AGBL1: variants seen among roughly 807,000 people sequenced by gnomAD.
AGBL1 encodes the protein AGBL carboxypeptidase 1.
In AGBL1, 130 loss-of-function variants were observed where a neutral mutation model predicts 118.9. The observed-to-expected ratio is 1.09, with a 90% CI of 0.95 to 1.26. The LOEUF is 1.26. Ranked by LOEUF, AGBL1 falls within the 50% of genes most tolerant of loss-of-function variation. The pLI, the probability that AGBL1 is intolerant of heterozygous loss-of-function variation, is 0.00. For missense variants in AGBL1, 1,584 were observed against 1,298.1 expected (o/e 1.22, Z -3.38); for synonymous variants, 555 against 478.9 (o/e 1.16, Z -2.08).
At chr15:86,280,797 T>TGGCTCAA in intron 16 of AGBL1, among the ~76,000 whole-genome samples, 1 of 152,324 alleles carries the variant, frequency 6.6e-6, no homozygotes, top group South Asian at 2.1e-4. Context: ...TTGAACCACT[T>TGGCTCAA]GGCTCACTGC....
intron 21 of AGBL1, among the ~76,000 whole-genome samples, chr15:86,632,630 G>GTTTT (rs61180689): frequency 8.4e-5 from 12 of 143,552 alleles, no homozygotes; most frequent in Non-Finnish European, 9.2e-5. Context: ...ATCTCATCAT[G>GTTTT]TTTTTTTTTT....
chr15:86,901,933 A>T (rs186046002), intron 22 of AGBL1, among the ~76,000 whole-genome samples: 64 of 152,254 alleles, frequency 4.2e-4, no homozygotes, highest in African/African-American at 1.5e-3. Flanking sequence ...ATTAATATCA[A>T]TATTAATAAT....
chr15:86,110,623 C>T (rs1390314199), intron 1 of AGBL1, among the ~76,000 whole-genome samples: 1 of 152,070 alleles, frequency 6.6e-6, no homozygotes, highest in Non-Finnish European at 1.5e-5. Context: ...CAAGGGCCAA[C>T]TCTAGTAGAA....
intron 24 of AGBL1, among the ~76,000 whole-genome samples, chr15:87,011,827 A>C (rs938901167): frequency 2.0e-5 from 3 of 152,186 alleles, no homozygotes; most frequent in African/African-American, 7.2e-5. Context: ...CACCCATTGG[A>C]GATATTATAT....
intron 21 of AGBL1, among the ~76,000 whole-genome samples, chr15:86,608,412 G>A (rs1279677489): frequency 6.6e-6 from 1 of 152,202 alleles, no homozygotes; most frequent in Non-Finnish European, 1.5e-5. Context: ...GCAAGAGCAA[G>A]CAAGAATATT....
chr15:86,137,586 G>A (rs992917529), intron 1 of AGBL1, among the ~76,000 whole-genome samples: 4 of 151,950 alleles, frequency 2.6e-5, no homozygotes, highest in African/African-American at 9.7e-5. Flanking sequence ...AATATTTTTT[G>A]TGTTTTGTTT....
At chr15:86,427,832 A>T (rs1290005413) in intron 18 of AGBL1, among the ~76,000 whole-genome samples, 2 of 152,310 alleles carry the variant, frequency 1.3e-5, no homozygotes, top group East Asian at 3.9e-4. Flanking sequence ...TTCTCCAGGA[A>T]TTAAAGCTCA....
chr15:86,493,138 G>C (rs2082805516), intron 18 of AGBL1, among the ~76,000 whole-genome samples: 1 of 152,114 alleles, frequency 6.6e-6, no homozygotes, highest in African/African-American at 2.4e-5. Context: ...AGGTTGCAGT[G>C]AGCTGAGATC....
intron 21 of AGBL1, among the ~76,000 whole-genome samples, chr15:86,582,802 A>G (rs2084188821): frequency 6.8e-6 from 1 of 148,036 alleles, no homozygotes; most frequent in Non-Finnish European, 1.5e-5. Context: ...ATAGGTGGGA[A>G]TTGAACAATG....
chr15:86,234,395 A>T (rs1347748586), intron 6 of AGBL1, among the ~76,000 whole-genome samples: 1 of 152,032 alleles, frequency 6.6e-6, no homozygotes, highest in African/African-American at 2.4e-5. Flanking sequence ...TACTAAAAAT[A>T]CAAAAATTAG....
At position 86,279,596 on chromosome 15, in the gene AGBL1, C is replaced by A. The variant is rs1378586133; in HGVS notation, c.2076-43C>A. 12 of 1,593,454 alleles carry A rather than the reference C, an allele frequency of 7.5e-6. No individual in the cohort carries two copies. The Admixed American group carries it at 2.0e-4, about 27-fold the overall frequency. On this transcript the variant is annotated intron_variant, in intron 15 of 22. Coordinates refer to ENST00000614907, the MANE Select transcript of AGBL1 (RefSeq NM_001386094.1). ...CCTAAATGACCCTGCACCCCCCTCC[C>A]ACCTCTCCCTTATTCTCTTCTCTTC...
intron 19 of AGBL1, among the ~76,000 whole-genome samples, chr15:86,525,197 A>T (rs1231960350): frequency 6.6e-6 from 1 of 152,168 alleles, no homozygotes; most frequent in Non-Finnish European, 1.5e-5. Context: ...CAAGGAAGGT[A>T]AAAGATCACT....
intron 9 of AGBL1, 27 bp downstream of exon 9, chr15:86,258,058 T>C (rs1371142395): frequency 1.2e-6 from 2 of 1,607,258 alleles, no homozygotes; most frequent in South Asian, 2.2e-5. Context: ...ATGCTTCTAA[T>C]GATGTCCATA....
At chr15:86,369,912 C>T (rs1187867893) in intron 17 of AGBL1, among the ~76,000 whole-genome samples, 1 of 152,142 alleles carries the variant, frequency 6.6e-6, no homozygotes, top group Non-Finnish European at 1.5e-5. Context: ...ACAAATATTT[C>T]TAATTGGCAT....
intron 17 of AGBL1, among the ~76,000 whole-genome samples, chr15:86,326,151 A>C (rs776018227): frequency 3.2e-4 from 49 of 152,176 alleles, no homozygotes; most frequent in Non-Finnish European, 5.4e-4. Flanking sequence ...TTTCACTGTT[A>C]GGAAGCCAGC....
At chr15:86,381,107 C>G (rs2081108516) in intron 17 of AGBL1, among the ~76,000 whole-genome samples, 1 of 152,162 alleles carries the variant, frequency 6.6e-6, no homozygotes. Flanking sequence ...TAATAAAATG[C>G]AATCACAACC....
At chr15:86,413,775 C>G (rs2081653407) in intron 18 of AGBL1, among the ~76,000 whole-genome samples, 1 of 151,972 alleles carries the variant, frequency 6.6e-6, no homozygotes, top group Non-Finnish European at 1.5e-5. Flanking sequence ...GGATATTAGT[C>G]CCTTTTCGGA....
At chr15:87,030,839 A>G (rs1203506466), downstream of AGBL1, among the ~76,000 whole-genome samples, 1 of 151,808 alleles carries the variant, frequency 6.6e-6, no homozygotes. Flanking sequence ...TTTGAACTCT[A>G]TTACTCTACT....
At chr15:86,590,185 A>C (rs938676865) in intron 21 of AGBL1, among the ~76,000 whole-genome samples, 50 of 152,188 alleles carry the variant, frequency 3.3e-4, no homozygotes, top group African/African-American at 1.1e-3. Context: ...TTGGTAAAAC[A>C]CATTATGGGA....
Sources: allele counts gnomAD v4.1 joint callset (sites outside exome capture counted in the v4.1 genomes callset), GRCh38; gene constraint gnomAD v4.1.1; transcripts MANE v1.5; gene names NCBI Gene and HGNC (gene_info 2026-07-23, HGNC 2026-07-21).